UBE2V2: variants seen among roughly 807,000 people sequenced by gnomAD.
UBE2V2 encodes ubiquitin conjugating enzyme E2 V2, also known as ubiquitin-conjugating enzyme E2 variant 2.
A neutral mutation model predicts 17.2 loss-of-function variants in UBE2V2; 9 were observed. The ratio of observed to expected loss-of-function variants is 0.52; its 90% CI spans 0.32 to 0.91. The LOEUF is 0.91. Among genes scored for constraint, UBE2V2 ranks in the 40% least tolerant of loss-of-function variants. The pLI is 0.04. For synonymous variants in UBE2V2, 61 were observed against 57.5 expected (o/e 1.06, Z -0.28); for missense variants, 133 against 182.6 (o/e 0.73, Z 1.56).
At chr8:48,014,902 T>C (rs2091258150) in intron 1 of UBE2V2, among the ~76,000 whole-genome samples, 1 of 151,064 alleles carries the variant, frequency 6.6e-6, no homozygotes, top group South Asian at 2.1e-4. Flanking sequence ...TACAAAAAAC[T>C]AGCCGGGCGT....
chr8:48,044,268 C>T (rs1220321723), intron 2 of UBE2V2, among the ~76,000 whole-genome samples: 1 of 152,088 alleles, frequency 6.6e-6, no homozygotes, highest in Non-Finnish European at 1.5e-5. Flanking sequence ...TCAAGCGATC[C>T]TTCCACCTCA....
intron 1 of UBE2V2, among the ~76,000 whole-genome samples, chr8:48,019,634 G>T (rs1211028624): frequency 6.6e-6 from 1 of 151,592 alleles, no homozygotes; most frequent in Non-Finnish European, 1.5e-5. Context: ...GACCAACATG[G>T]TGAAACCCCG....
chr8:48,058,748 G>A (rs922685239), intron 3 of UBE2V2, among the ~76,000 whole-genome samples: 1 of 151,816 alleles, frequency 6.6e-6, no homozygotes, highest in South Asian at 2.1e-4. Flanking sequence ...AATTTATTGA[G>A]TATTTATATC....
the UBE2V2 span, among the ~76,000 whole-genome samples, chr8:48,001,333 G>T: frequency 6.6e-6 from 1 of 152,014 alleles, no homozygotes; most frequent in South Asian, 2.1e-4. Context: ...AAAACACTAG[G>T]ACATGCCTGT....
chr8:48,019,114 C>T (rs2091287699), intron 1 of UBE2V2, among the ~76,000 whole-genome samples: 1 of 152,086 alleles, frequency 6.6e-6, no homozygotes, highest in Non-Finnish European at 1.5e-5. Flanking sequence ...CACCTGTAAT[C>T]CCAGCACTTT....
chr8:48,040,964 A>G (rs1438371486), intron 1 of UBE2V2, among the ~76,000 whole-genome samples: 1 of 138,448 alleles, frequency 7.2e-6, no homozygotes, highest in East Asian at 2.2e-4. Flanking sequence ...TCCTGGGTTC[A>G]CACCATTCTC....
At chr8:47,998,758 C>T in the UBE2V2 span, among the ~76,000 whole-genome samples, 11 of 151,378 alleles carry the variant, frequency 7.3e-5, no homozygotes, top group Non-Finnish European at 1.0e-4. Context: ...TTCCCGGTTT[C>T]GGCACCAGAA....
At chr8:48,011,341 G>T (rs537152129) in intron 1 of UBE2V2, among the ~76,000 whole-genome samples, 16 of 151,918 alleles carry the variant, frequency 1.1e-4, no homozygotes, top group Non-Finnish European at 2.1e-4. Flanking sequence ...CTAATTTATT[G>T]TATATATATT....
intron 3 of UBE2V2, among the ~76,000 whole-genome samples, chr8:48,058,983 T>C (rs1460240234): frequency 1.3e-5 from 2 of 152,094 alleles, no homozygotes; most frequent in Non-Finnish European, 2.9e-5. Flanking sequence ...CTCAGCTCAC[T>C]GCAACCTCCG....
chr8:48,044,742 T>TA (rs1225567017), intron 2 of UBE2V2, among the ~76,000 whole-genome samples: 3 of 152,158 alleles, frequency 2.0e-5, no homozygotes, highest in African/African-American at 7.2e-5. Context: ...CTGTTTGGTT[T>TA]AAAAAAAGCG....
chr8:48,054,283 G>A (rs2091558362), intron 3 of UBE2V2, among the ~76,000 whole-genome samples: 1 of 152,134 alleles, frequency 6.6e-6, no homozygotes, highest in Admixed American at 6.5e-5. Flanking sequence ...ACATCTAGAA[G>A]TGTGCCGTGG....
intron 1 of UBE2V2, among the ~76,000 whole-genome samples, chr8:48,011,741 C>T (rs943443389): frequency 2.0e-5 from 3 of 152,142 alleles, no homozygotes; most frequent in African/African-American, 7.2e-5. Flanking sequence ...GCAGCCTCGA[C>T]CTGCTGGGGT....
At chr8:48,055,199 C>T (rs2154508113) in intron 3 of UBE2V2, among the ~76,000 whole-genome samples, 2 of 140,796 alleles carry the variant, frequency 1.4e-5, no homozygotes, top group Non-Finnish European at 1.5e-5. Context: ...AGTTTCTTTT[C>T]CTTTTTTTTT....
intron 1 of UBE2V2, among the ~76,000 whole-genome samples, chr8:48,016,738 TCCCA>T (rs1239120192): frequency 5.3e-4 from 80 of 150,492 alleles, no homozygotes; most frequent in African/African-American, 1.8e-3. Flanking sequence ...CACCTTGGCC[TCCCA>T]AGGTACTGGG....
intron 1 of UBE2V2, among the ~76,000 whole-genome samples, chr8:48,037,702 G>C (rs1025411695): frequency 2.0e-5 from 3 of 152,136 alleles, no homozygotes; most frequent in Admixed American, 6.5e-5. Context: ...CAATTCTTTG[G>C]CTCACAGTAG....
upstream of UBE2V2, among the ~76,000 whole-genome samples, chr8:48,004,525 G>GT (rs2091171178): frequency 2.3e-5 from 3 of 132,978 alleles, no homozygotes; most frequent in Admixed American, 2.2e-4. Flanking sequence ...TTTTTTTTTT[G>GT]TTTTGTTTTT....
intron 1 of UBE2V2, among the ~76,000 whole-genome samples, chr8:48,010,238 ATTTTT>A (rs750999592): frequency 7.2e-6 from 1 of 139,422 alleles, no homozygotes. Context: ...GGGAGTCTGT[ATTTTT>A]TTTTTTTTTT....
At chr8:48,047,217 A>G (rs948434070) in intron 2 of UBE2V2, among the ~76,000 whole-genome samples, 1 of 152,186 alleles carries the variant, frequency 6.6e-6, no homozygotes, top group Non-Finnish European at 1.5e-5. Context: ...TTAGGATTAC[A>G]GGTGTGAGCC....
At chr8:48,060,209 C>CAAAAA (rs557515958) in intron 3 of UBE2V2, among the ~76,000 whole-genome samples, 1 of 43,806 alleles carries the variant, frequency 2.3e-5, no homozygotes, top group Admixed American at 2.6e-4. Context: ...GACTCTGTCT[C>CAAAAA]AAAAAAAAAA....
Sources: gnomAD v4.1 joint callset for allele counts (sites outside exome capture counted in the v4.1 genomes callset) on GRCh38, gnomAD v4.1.1 for gene constraint, MANE v1.5 for transcripts, NCBI Gene and HGNC (gene_info 2026-07-23, HGNC 2026-07-21) for gene names.